PAM16: variants seen among roughly 807,000 people sequenced by gnomAD.
PAM16 encodes mitochondrial import inner membrane translocase subunit TIM16.
In PAM16, 11 loss-of-function variants were observed where a neutral mutation model predicts 17.9. The observed-to-expected ratio is 0.62, with a 90% CI of 0.39 to 1.02. PAM16 has a LOEUF of 1.02. PAM16 is among the 50% of genes least tolerant of loss of function. The probability of loss-of-function intolerance (pLI) is 0.01; values close to 1 mark genes in which losing one functional copy is unlikely to be tolerated. For synonymous variants in PAM16, 72 were observed against 67.4 expected (o/e 1.07, Z -0.34); for missense variants, 199 against 165.4 (o/e 1.20, Z -1.11).
chr16:4,344,858 A>C (rs2053728397), intron 1 of PAM16, among the ~76,000 whole-genome samples: 2 of 148,362 alleles, frequency 1.3e-5, no homozygotes, highest in African/African-American at 2.5e-5. Flanking sequence ...GGGTTCCGTG[A>C]GAGGAGGGGG....
chr16:4,344,808 G>A (rs1250729991), intron 1 of PAM16, among the ~76,000 whole-genome samples: 4 of 148,042 alleles, frequency 2.7e-5, no homozygotes, highest in South Asian at 2.1e-4. Context: ...TGTGTGAGAG[G>A]AGGGGATTGT....
chr16:4,341,957 A>G (rs1176033316), intron 2 of PAM16, among the ~76,000 whole-genome samples: 2 of 152,096 alleles, frequency 1.3e-5, no homozygotes, highest in Admixed American at 1.3e-4. Context: ...CAGAACCTAG[A>G]ATCAGGAGCT....
chr16:4,343,096 C>T (rs2053674940), intron 2 of PAM16, 111 bp downstream of exon 2: 5 of 1,436,760 alleles, frequency 3.5e-6, no homozygotes, highest in African/African-American at 1.4e-5. Flanking sequence ...TGGGAAGTGC[C>T]TCAGGCCACG....
intron 4 of PAM16, 122 bp downstream of exon 4, chr16:4,340,798 C>G: frequency 7.7e-7 from 1 of 1,294,234 alleles, no homozygotes. Flanking sequence ...CATGGGAAAG[C>G]CTGGCACAGT....
intron 2 of PAM16, 83 bp downstream of exon 2, chr16:4,343,124 A>G: frequency 6.3e-7 from 1 of 1,582,146 alleles, no homozygotes; most frequent in South Asian, 1.1e-5. Flanking sequence ...CAGAACCGCC[A>G]GGCCTGAGGT....
intron 4 of PAM16, 92 bp downstream of exon 4, chr16:4,340,821 AAGCCCTT>A: frequency 6.8e-7 from 1 of 1,467,390 alleles, no homozygotes; most frequent in South Asian, 1.1e-5. Context: ...TCTGTGTGCC[AAGCCCTT>A]AGCTGGCCAG....
At chr16:4,341,240 G>C (rs1230419079) in intron 3 of PAM16, 128 bp downstream of exon 3, 1 of 1,440,434 alleles carries the variant, frequency 6.9e-7, no homozygotes, top group Middle Eastern at 2.2e-4. Flanking sequence ...AGTGGCTCCC[G>C]AAAGTTGGAG....
chr16:4,347,910 C>A (rs1233903380), intron 1 of PAM16: 2 of 152,256 alleles, frequency 1.3e-5, no homozygotes, highest in East Asian at 3.8e-4. Context: ...TGGGCAGCAA[C>A]CTGGCCCAAG....
chr16:4,350,102 CT>C (rs2053824693), intron 1 of PAM16, among the ~76,000 whole-genome samples: 1 of 151,966 alleles, frequency 6.6e-6, no homozygotes, highest in African/African-American at 2.4e-5. Context: ...GCTCAAGAAC[CT>C]GAACTTTTTT....
chr16:4,343,589 C>T, intron 1 of PAM16: 5 of 1,381,134 alleles, frequency 3.6e-6, no homozygotes, highest in Non-Finnish European at 2.8e-6. Flanking sequence ...TGGCTGCAAC[C>T]ACCGGCTTCA....
rs1471877473 is a variant in PAM16 at position 4,340,405 on chromosome 16, C to G, written c.292G>C (p.Val98Leu). The G allele has an allele frequency of 1.9e-6, 3 of 1,611,468 alleles. No individual in the cohort carries two copies. The Admixed American group carries it at 5.0e-5, about 27-fold the overall frequency. Reference sequence around the variant, plus strand: ...TCCAGGCGCTCCTTTGCGCGGACCACCTAGTGGGTCACGGATAATCAGGCC... The same window carrying G: ...TCCAGGCGCTCCTTTGCGCGGACCAGCTAGTGGGTCACGGATAATCAGGCC... The part of the protein sequence containing the change: ...VGGSFYLQSK[V>L]VRAKERLDEE... The change falls in exon 5 of 5, where the codon GTG becomes CTG. Residue 98 changes from valine to leucine, a missense_variant and splice_region_variant. By Grantham distance (32) the Val-to-Leu change is conservative. Transcript: ENST00000318059.
At chr16:4,341,798 G>A (rs2053652717) in intron 2 of PAM16, 2 of 439,508 alleles carry the variant, frequency 4.6e-6, no homozygotes, top group East Asian at 3.9e-5. Flanking sequence ...TATCCCAGGG[G>A]AACAGCAAAT....
chr16:4,349,004 G>A (rs1399454757), intron 1 of PAM16, among the ~76,000 whole-genome samples: 3 of 144,470 alleles, frequency 2.1e-5, no homozygotes, highest in Non-Finnish European at 4.5e-5. Flanking sequence ...ACCCAGGCCG[G>A]AGTGCAGTAG....
chr16:4,348,953 CTTTTT>C (rs1219395068), intron 1 of PAM16, among the ~76,000 whole-genome samples: 1 of 114,242 alleles, frequency 8.8e-6, no homozygotes, highest in African/African-American at 3.3e-5. Flanking sequence ...CTAGCACTTT[CTTTTT>C]TTTTTTTTTT....
At chr16:4,341,089 C>T in intron 3 of PAM16, 104 bp from the exon 4 acceptor site, 1 of 1,426,306 alleles carries the variant, frequency 7.0e-7, no homozygotes, top group Admixed American at 1.8e-5. Flanking sequence ...CTCCTCTCCA[C>T]CCTGTGTGCC....
At chr16:4,341,875 G>A (rs922552394) in intron 2 of PAM16, among the ~76,000 whole-genome samples, 2 of 152,184 alleles carry the variant, frequency 1.3e-5, no homozygotes, top group African/African-American at 4.8e-5. Flanking sequence ...CTCTGCAGGG[G>A]CCCAGCTGCC....
intron 1 of PAM16, among the ~76,000 whole-genome samples, chr16:4,350,433 A>C (rs1461863944): frequency 6.6e-6 from 1 of 151,034 alleles, no homozygotes; most frequent in African/African-American, 2.4e-5. Flanking sequence ...ACGCAGTCTC[A>C]CCCTGTCGCC....
In PAM16 at chr16:4,341,438, G is replaced by A; in HGVS notation, c.155C>T (p.Ser52Phe). The part of the protein sequence containing the change: ...GHRSAAASNL[S>F]GLSLQEAQQI... ...CTGTGCCTCCTGGAGGCTGAGGCCG[G>A]AGAGGTTGGAAGCGGCTGCAGACCG... Residue 52 changes from serine (S) to phenylalanine (F), a missense_variant, in exon 3 of 5, where the codon TCC (serine) becomes TTC (phenylalanine). Coordinates refer to ENST00000318059, the MANE Select transcript of PAM16 (RefSeq NM_016069.11). 6.2e-7 allele frequency: 1 copy of A among 1,608,838 alleles called. No homozygotes were observed. The highest frequency in any genetic ancestry group is 8.5e-7 in the Non-Finnish European group (1 of 1,178,414).
At chr16:4,350,217 C>T (rs1429514602) in intron 1 of PAM16, among the ~76,000 whole-genome samples, 1 of 151,216 alleles carries the variant, frequency 6.6e-6, no homozygotes, top group African/African-American at 2.4e-5. Context: ...TGGGTTCAAG[C>T]GATACTGGCG....
Sources: allele counts gnomAD v4.1 joint callset (sites outside exome capture counted in the v4.1 genomes callset), GRCh38; gene constraint gnomAD v4.1.1; transcripts MANE v1.5; gene names NCBI Gene and HGNC (gene_info 2026-07-23, HGNC 2026-07-21).